Variants in PTK7 observed in about 807,000 individuals in gnomAD.
The protein encoded by PTK7 is inactive tyrosine-protein kinase 7.
Under a neutral mutation model 116.6 loss-of-function variants are expected in PTK7, and 39 were observed. The ratio of observed to expected loss-of-function variants is 0.33; its 90% CI spans 0.26 to 0.44. The LOEUF (loss-of-function observed/expected upper bound fraction) is 0.44, where lower values mean the gene tolerates loss of function less well. Ranked by LOEUF, PTK7 falls within the 20% of genes least tolerant of loss-of-function variation. The pLI, the probability that PTK7 is intolerant of heterozygous loss-of-function variation, is 1.00. For missense variants in PTK7, 1,169 were observed against 1,425.6 expected, an observed-to-expected ratio of 0.82 and a Z score of 2.90; for synonymous variants, 546 against 563.6, an observed-to-expected ratio of 0.97 and a Z score of 0.44.
chr6:43,087,886 T>G (rs1007819296), intron 1 of PTK7, among the ~76,000 whole-genome samples: 1 of 152,188 alleles, frequency 6.6e-6, no homozygotes, highest in Non-Finnish European at 1.5e-5. Flanking sequence ...GATGTGGGTA[T>G]TAGGGTATAA....
In PTK7 at chr6:43,131,108, G is replaced by T. The variant is rs3793013; in HGVS notation, c.812+447G>T. 9.7e-4 allele frequency among the ~76,000 whole-genome samples: 147 copies of T among 151,186 alleles called. 1 individual carries two copies. The East Asian group carries it at 0.018, about 18-fold the overall frequency. The stretch of plus-strand genomic sequence containing the variant: ...TAGAGGAAGCAAACACCTCTAGAAG[G>T]TTCCAGCCCTACTGCAGGGACTTCT... On this transcript the variant is annotated intron_variant, in intron 5 of 19. Transcript: ENST00000230419.
Position 43,143,996 on chromosome 6 carries a change from A to G in PTK7, c.2251+376A>G, listed in dbSNP as rs747414620. ...TCTTTCTGTTTACTTCCCTTCTCCT[A>G]TCCCCACTTCCTGGACTGGGAGCTC... On this transcript the variant is annotated intron_variant, in intron 14 of 19. Transcript: ENST00000230419. This position sits in a 1 kb window ranked among gnomAD's most constrained non-coding sequence, Gnocchi z 4.2. Among the ~76,000 whole-genome samples, 24 of 152,008 alleles carry G rather than the reference A, an allele frequency of 1.6e-4. No individual in the cohort carries two copies. Among genetic ancestry groups the G allele is most frequent in the Non-Finnish European group, 3.2e-4 (22 of 67,996 alleles).
intron 1 of PTK7, among the ~76,000 whole-genome samples, chr6:43,100,545 G>GT (rs5875825): frequency 0.45 from 68,530 of 151,582 alleles, 16,203 homozygotes; most frequent in African/African-American, 0.6. Flanking sequence ...ATGCATTTTT[G>GT]TCTTTATAGT....
At chr6:43,121,900 G>A (rs1439265834) in intron 1 of PTK7, among the ~76,000 whole-genome samples, 2 of 152,210 alleles carry the variant, frequency 1.3e-5, no homozygotes, top group Non-Finnish European at 2.9e-5. Context: ...AGCACTTTGG[G>A]AGGCTGAGGC....
At chr6:43,080,889 C>G (rs1424848431) in intron 1 of PTK7, among the ~76,000 whole-genome samples, 2 of 151,976 alleles carry the variant, frequency 1.3e-5, no homozygotes, top group Non-Finnish European at 2.9e-5. Flanking sequence ...TTGCAGTGAG[C>G]CGAGATCGCG....
At chr6:43,087,699 A>G (rs868396688) in intron 1 of PTK7, among the ~76,000 whole-genome samples, 1 of 152,130 alleles carries the variant, frequency 6.6e-6, no homozygotes, top group Admixed American at 6.5e-5. Context: ...AGAACAGAAG[A>G]CCTTGGAGGG....
chr6:43,097,017 G>A (rs1767303254), intron 1 of PTK7, among the ~76,000 whole-genome samples: 1 of 60,200 alleles, frequency 1.7e-5, no homozygotes. Context: ...ACTGCCTTGG[G>A]CATAGGCCAG....
chr6:43,129,472 C>T lies in PTK7; in HGVS notation c.367+208C>T, dbSNP rs1769523243. Reference sequence around the variant, plus strand: ...AATTTTTTCCTTCAAGTCTGGGACCCATTTATCTGCTGCATGCTTGTGCAA... The same window carrying T: ...AATTTTTTCCTTCAAGTCTGGGACCTATTTATCTGCTGCATGCTTGTGCAA... On this transcript the variant is annotated intron_variant, in intron 2 of 19. Coordinates refer to ENST00000230419, the MANE Select transcript of PTK7 (RefSeq NM_002821.5). This position sits in a 1 kb window ranked among gnomAD's most constrained non-coding sequence, Gnocchi z 4.5. 1.3e-6 allele frequency: 1 copy of T among 773,864 alleles called. No individual in the cohort carries two copies. Among genetic ancestry groups the T allele is most frequent in the Non-Finnish European group, 2.0e-6 (1 of 495,334 alleles). 47.9% of individuals were successfully genotyped at this position (773,864 alleles called of 1,614,324 possible).
At chr6:43,106,403 A>G (rs1767889053) in intron 1 of PTK7, among the ~76,000 whole-genome samples, 1 of 150,456 alleles carries the variant, frequency 6.6e-6, no homozygotes, top group Non-Finnish European at 1.5e-5. Context: ...GACCTCCTGG[A>G]CTCAAGGGAT....
chr6:43,110,418 G>A (rs1013099731), intron 1 of PTK7, among the ~76,000 whole-genome samples: 1 of 150,540 alleles, frequency 6.6e-6, no homozygotes, highest in Non-Finnish European at 1.5e-5. Context: ...TTTTGTTTTT[G>A]TTTTTGTTTT....
chr6:43,106,580 T>C lies in PTK7; in HGVS notation c.80-22397T>C, dbSNP rs137880957. Among the ~76,000 whole-genome samples the C allele has an allele frequency of 2.6e-5, 4 of 151,576 alleles. No homozygotes were observed. In the East Asian group the frequency reaches 7.8e-4, roughly 30 times the overall value. ...CAAAGTGCTGAGATTATAGCAGGCA[T>C]GAGCCACCACACCCGCCCCTTTCCT... is the stretch of plus-strand genomic sequence containing the variant. On this transcript the variant is annotated intron_variant, in intron 1 of 19. Transcript: ENST00000230419.
Position 43,076,801 on chromosome 6 carries a change from C to A in PTK7, c.79+234C>A. On this transcript the variant is annotated intron_variant, in intron 1 of 19. Coordinates refer to ENST00000230419, the MANE Select transcript of PTK7 (RefSeq NM_002821.5). This position sits in a 1 kb window ranked among gnomAD's most constrained non-coding sequence, Gnocchi z 5.7. ...CCCTCCCACTCGCGCCGCGGGGACG[C>A]ATTTCCAGCCTCCCTGAGTTTTTCT... 1 of 1,409,994 alleles carries A rather than the reference C, an allele frequency of 7.1e-7. No homozygotes were observed. The highest frequency in any genetic ancestry group is 9.2e-7 in the Non-Finnish European group (1 of 1,082,068). 87.3% of individuals were successfully genotyped at this position (1,409,994 alleles called of 1,614,324 possible). A position where few individuals can be genotyped will look rare whatever the true frequency, so the allele number is the denominator to read the frequency against.
At chr6:43,140,927 T>C (rs1770362848) in intron 10 of PTK7, among the ~76,000 whole-genome samples, 1 of 152,212 alleles carries the variant, frequency 6.6e-6, no homozygotes, top group Admixed American at 6.5e-5. Context: ...ACACTCTTCA[T>C]GAATATTTGT....
At position 43,159,839 on chromosome 6, in the gene PTK7, C is replaced by G. The variant is rs55921533; in HGVS notation, c.2925C>G (p.Pro975=). The change falls in exon 19 of 20, where the codon CCC becomes CCG. Residue 975 remains proline, a synonymous_variant. Transcript: ENST00000230419. ...QAWVPLRWMS[P]EAILEGDFST... is the part of the protein sequence containing the mutation. ...GGGTGCCGCTGCGCTGGATGTCCCC[C>G]GAGGCCATCCTGGAGGGTGACTTCT... is the stretch of plus-strand genomic sequence containing the variant. The G allele has an allele frequency of 7.4e-3, 11,885 of 1,614,238 alleles. 58 individuals are homozygous for G. The highest frequency in any genetic ancestry group is 9.0e-3 in the Non-Finnish European group (10,562 of 1,180,032).
intron 1 of PTK7, among the ~76,000 whole-genome samples, chr6:43,092,979 C>A (rs1767038562): frequency 6.6e-6 from 1 of 152,028 alleles, no homozygotes; most frequent in Non-Finnish European, 1.5e-5. Context: ...TTTAGTCTGG[C>A]ATGTAAATAA....
rs534728368 is a variant in PTK7 at position 43,143,524 on chromosome 6, G to A, written c.2155G>A (p.Val719Met). The change falls in exon 14 of 20, where the codon GTG becomes ATG. Residue 719 changes from valine (V) to methionine (M), a missense_variant. Physicochemically the swap from Val to Met is conservative, Grantham distance 21. Around this residue, in one of 3 missense-constraint regions of PTK7, gnomAD observed 678 missense variants for 853.8 expected, o/e 0.79. Transcript: ENST00000230419. The surrounding 1 kb of genome is among the most constrained non-coding windows in gnomAD (Gnocchi z 4.2). ...VGAAVAYIIA[V>M]LGLMFYCKKR... ...TGCCGCTGTGGCCTACATCATTGCC[G>A]TGCTGGGCCTCATGTTCTACTGCAA... 6.2e-6 allele frequency: 10 copies of A among 1,614,120 alleles called. No homozygotes were observed. The highest frequency in any genetic ancestry group is 1.7e-5 in the Admixed American group (1 of 60,034).
At chr6:43,124,439 G>A (rs59460087) in intron 1 of PTK7, among the ~76,000 whole-genome samples, 16,684 of 152,156 alleles carry the variant, frequency 0.11, 1,472 homozygotes, top group East Asian at 0.32. Context: ...AATCCCAGCA[G>A]TTTGGAAGCC....
intron 14 of PTK7, chr6:43,144,171 G>A (rs1770590646): frequency 4.5e-6 from 2 of 447,838 alleles, no homozygotes; most frequent in East Asian, 7.6e-5. Flanking sequence ...TGTAGCTATG[G>A]TATTAAGGAC....
In PTK7 at chr6:43,145,036, C is replaced by A; in HGVS notation, c.2408-164C>A. 3.7e-6 allele frequency: 2 copies of A among 542,542 alleles called. No homozygotes were observed. Among genetic ancestry groups the A allele is most frequent in the Non-Finnish European group, 3.2e-6 (1 of 312,842 alleles). The allele number at this position is 542,542 out of a possible 1,614,324, so 33.6% of individuals were successfully genotyped here. A position where few individuals can be genotyped will look rare whatever the true frequency, so the allele number is the denominator to read the frequency against. ...GTCCCACCCTTTTATTTTGTTGCTG[C>A]AGACACTGAAGCCTAAGGAGGGAGG... On this transcript the variant is annotated intron_variant, in intron 15 of 19. Transcript: ENST00000230419. The surrounding 1 kb of genome is among the most constrained non-coding windows in gnomAD (Gnocchi z 4.8).
Sources: allele counts gnomAD v4.1 joint callset (sites outside exome capture counted in the v4.1 genomes callset), GRCh38; gene constraint gnomAD v4.1.1; regional missense constraint gnomAD v4.1.1; non-coding constraint Gnocchi (gnomAD v3.1); transcripts MANE v1.5; gene names NCBI Gene and HGNC (gene_info 2026-07-23, HGNC 2026-07-21).